Variants in ZNF710 observed in about 807,000 individuals in gnomAD.
ZNF710 encodes zinc finger protein 710.
In ZNF710, 13 loss-of-function variants were observed where a neutral mutation model predicts 50.6. That is an observed-to-expected ratio of 0.26 (90% CI 0.17 to 0.41). The LOEUF is 0.41. Among genes scored for constraint, ZNF710 ranks in the 10% least tolerant of loss-of-function variants. The pLI, the probability that ZNF710 is intolerant of heterozygous loss-of-function variation, is 1.00. For synonymous variants in ZNF710, 383 were observed against 397.0 expected, an observed-to-expected ratio of 0.96 and a Z score of 0.42; for missense variants, 721 against 936.6, an observed-to-expected ratio of 0.77 and a Z score of 3.01.
rs398028304 is a variant in ZNF710 at position 90,034,428 on chromosome 15, CTGTGTGTGTGTGTGTGTG to C, written c.-28-32652_-28-32635del. Among the ~76,000 whole-genome samples the C allele has an allele frequency of 4.1e-4, 56 of 136,278 alleles. No individual in the cohort carries two copies. Among genetic ancestry groups the C allele is most frequent in the Non-Finnish European group, 5.1e-4 (32 of 62,202 alleles). The allele number at this position is 136,278 out of a possible 152,430, so 89.4% of individuals were successfully genotyped here. ...AGCTGTCCTTCCTGTTTCCAAATTC[CTGTGTGTGTGTGTGTGTG>C]TGTGTGTGTGTGTGTGTGTGTGTGT... On this transcript the variant is annotated intron_variant, in intron 1 of 4. Transcript: ENST00000268154. This position sits in a 1 kb window ranked among gnomAD's most constrained non-coding sequence, Gnocchi z 4.0.
intron 1 of ZNF710, among the ~76,000 whole-genome samples, chr15:90,015,578 C>T (rs888103023): frequency 3.3e-5 from 5 of 151,766 alleles, no homozygotes; most frequent in African/African-American, 1.2e-4. Context: ...ATTATCCAGC[C>T]ACCATACAAT....
At chr15:90,017,765 A>G (rs959027163) in intron 1 of ZNF710, among the ~76,000 whole-genome samples, 1 of 152,072 alleles carries the variant, frequency 6.6e-6, no homozygotes, top group African/African-American at 2.4e-5. Flanking sequence ...GAATTCGAGA[A>G]TGGATGGGAA....
chr15:90,055,142 A>G (rs1161809482), intron 1 of ZNF710, among the ~76,000 whole-genome samples: 1 of 152,240 alleles, frequency 6.6e-6, no homozygotes, highest in East Asian at 1.9e-4. Context: ...ATAAATAAAT[A>G]AATCATTAAC....
chr15:90,002,076 C>T (rs1406001217), intron 1 of ZNF710, among the ~76,000 whole-genome samples: 3 of 151,294 alleles, frequency 2.0e-5, no homozygotes, highest in Non-Finnish European at 3.0e-5. Flanking sequence ...CGGAGGCTCT[C>T]GGGCCCGCAC....
intron 1 of ZNF710, among the ~76,000 whole-genome samples, chr15:90,026,373 CAATT>C (rs1273218513): frequency 5.3e-5 from 8 of 151,614 alleles, no homozygotes; most frequent in Non-Finnish European, 8.8e-5. Flanking sequence ...TTCAAAATCT[CAATT>C]AAATGCATGC....
At position 90,019,187 on chromosome 15, in the gene ZNF710, C is replaced by CTT. The variant is rs11285838; in HGVS notation, c.-29+17594_-29+17595dup. Among the ~76,000 whole-genome samples, 270 of 89,290 alleles carry CTT rather than the reference C, an allele frequency of 3.0e-3. 2 individuals carry two copies. The highest frequency in any genetic ancestry group is 0.011 in the African/African-American group (242 of 22,344). 58.6% of individuals were successfully genotyped at this position (89,290 alleles called of 152,430 possible). A position where few individuals can be genotyped will look rare whatever the true frequency, so the allele number is the denominator to read the frequency against. On this transcript the variant is annotated intron_variant, in intron 1 of 4. Transcript: ENST00000268154. ...TGTACCATCTTATTACTTTTTCTTT[C>CTT]TTTTTTTTTTTTTTTTTTTTTTGCT...
intron 1 of ZNF710, among the ~76,000 whole-genome samples, chr15:90,026,647 A>G (rs545441455): frequency 6.6e-6 from 1 of 152,332 alleles, no homozygotes; most frequent in South Asian, 2.1e-4. Flanking sequence ...GCTGGGTAGG[A>G]AATAGAATTC....
At position 90,073,238 on chromosome 15, in the gene ZNF710, G is replaced by A. The variant is rs141211627; in HGVS notation, c.1626G>A (p.Ser542=). Reference sequence around the variant, plus strand: ...TCAAGACCCACATGATTGTACACTCGCCCGTGAAGCCATTCAAATGCAAGG... The same window carrying A: ...TCAAGACCCACATGATTGTACACTCACCCGTGAAGCCATTCAAATGCAAGG... ...QTLKTHMIVH[S]PVKPFKCKVC... is the part of the protein sequence containing the mutation. Residue 542 remains serine (S), a synonymous_variant, in exon 3 of 5, where the codon TCG becomes TCA. Transcript: ENST00000268154. The A allele has an allele frequency of 2.1e-4, 344 of 1,613,332 alleles. No individual in the cohort carries two copies. Among genetic ancestry groups the A allele is most frequent in the Non-Finnish European group, 2.2e-4 (260 of 1,179,440 alleles).
chr15:90,013,200 A>AATC (rs1389076235), intron 1 of ZNF710, among the ~76,000 whole-genome samples: 11 of 152,092 alleles, frequency 7.2e-5, no homozygotes, highest in Non-Finnish European at 1.5e-4. Flanking sequence ...CCCCGGGTTC[A>AATC]AGTGATTCTC....
At chr15:90,046,994 T>C (rs1899482679) in intron 1 of ZNF710, among the ~76,000 whole-genome samples, 1 of 152,192 alleles carries the variant, frequency 6.6e-6, no homozygotes, top group Non-Finnish European at 1.5e-5. Context: ...ACCCGGAAGC[T>C]GCCAGGGCAG....
intron 1 of ZNF710, among the ~76,000 whole-genome samples, chr15:90,049,684 G>A (rs532831028): frequency 2.6e-5 from 4 of 152,140 alleles, no homozygotes; most frequent in African/African-American, 4.8e-5. Context: ...TCCTGCCCTC[G>A]AGACCCTCTT....
chr15:90,067,304 T>C lies in ZNF710; in HGVS notation c.167T>C (p.Met56Thr). ...DLGPELSGAA[M>T]GEPEPPGPDV... The stretch of plus-strand genomic sequence containing the variant: ...GGGCCCGAGCTTTCAGGGGCAGCCA[T>C]GGGAGAGCCCGAGCCACCAGGCCCC... Residue 56 changes from methionine (M) to threonine (T), a missense_variant, in exon 2 of 5, where the codon ATG (methionine) becomes ACG (threonine). By Grantham distance (81) the Met-to-Thr change is moderately conservative (BLOSUM62 -1). Around this residue, in one of 3 missense-constraint regions of ZNF710, gnomAD observed 326 missense variants for 347.1 expected, o/e 0.94. Coordinates refer to ENST00000268154, the MANE Select transcript of ZNF710 (RefSeq NM_198526.4). This position sits in a 1 kb window ranked among gnomAD's most constrained non-coding sequence, Gnocchi z 8.1. 6.2e-7 allele frequency: 1 copy of C among 1,610,406 alleles called. No individual in the cohort carries two copies. Among genetic ancestry groups the C allele is most frequent in the Non-Finnish European group, 8.5e-7 (1 of 1,178,600 alleles).
At chr15:90,011,138 C>T (rs993672825) in intron 1 of ZNF710, among the ~76,000 whole-genome samples, 1 of 152,104 alleles carries the variant, frequency 6.6e-6, no homozygotes, top group African/African-American at 2.4e-5. Flanking sequence ...CCATGTTGCC[C>T]AGGCTGGTCT....
At chr15:90,024,193 G>T (rs1277549772) in intron 1 of ZNF710, among the ~76,000 whole-genome samples, 1 of 152,200 alleles carries the variant, frequency 6.6e-6, no homozygotes, top group Non-Finnish European at 1.5e-5. Flanking sequence ...CTCCACTGGG[G>T]CACTGGGCAC....
chr15:90,068,937 T>C lies in ZNF710; in HGVS notation c.1458+342T>C, dbSNP rs1900283295. ...ATGAGACCCCATCGCTACAAAAAAA[T>C]TTAAACATGGCTAGGCGTGATGGCT... On this transcript the variant is annotated intron_variant, in intron 2 of 4. Transcript: ENST00000268154. This position sits in a 1 kb window ranked among gnomAD's most constrained non-coding sequence, Gnocchi z 5.0. Among the ~76,000 whole-genome samples, 1 of 148,748 alleles carries C rather than the reference T, an allele frequency of 6.7e-6. No individual in the cohort carries two copies. Among genetic ancestry groups the C allele is most frequent in the Admixed American group, 6.7e-5 (1 of 14,852 alleles).
chr15:90,077,239 CTTTTTTTTTTT>C (rs34572330), intron 4 of ZNF710, among the ~76,000 whole-genome samples: 1 of 79,084 alleles, frequency 1.3e-5, no homozygotes, highest in East Asian at 3.3e-4. Flanking sequence ...TCTCAAGGTG[CTTTTTTTTTTT>C]TTTTTTTTTT....
intron 1 of ZNF710, among the ~76,000 whole-genome samples, chr15:90,048,137 T>G (rs1270731756): frequency 6.6e-6 from 1 of 152,180 alleles, no homozygotes; most frequent in Non-Finnish European, 1.5e-5. Flanking sequence ...GGTTTTGCCA[T>G]TAGGAATAAG....
chr15:90,061,968 TC>T (rs1182370744), intron 1 of ZNF710, among the ~76,000 whole-genome samples: 1 of 151,748 alleles, frequency 6.6e-6, no homozygotes, highest in Non-Finnish European at 1.5e-5. Context: ...GTGGGGAAGG[TC>T]CCCTGCTGGC....
intron 1 of ZNF710, among the ~76,000 whole-genome samples, chr15:90,043,734 C>T (rs1193795384): frequency 2.0e-5 from 3 of 152,204 alleles, no homozygotes; most frequent in Non-Finnish European, 4.4e-5. Context: ...CTGCACGCTG[C>T]ATTCACGCTA....
Sources: gnomAD v4.1 joint callset for allele counts (sites outside exome capture counted in the v4.1 genomes callset) on GRCh38, gnomAD v4.1.1 for gene constraint, gnomAD v4.1.1 regional missense constraint, Gnocchi (gnomAD v3.1) non-coding constraint, MANE v1.5 for transcripts, NCBI Gene and HGNC (gene_info 2026-07-23, HGNC 2026-07-21) for gene names.